The following CHD2 variants were observed in gnomAD, a reference collection of about 807,000 sequenced individuals.
The protein encoded by CHD2 is ATP-dependent chromatin remodeler CHD2.
Under a neutral mutation model 243.9 loss-of-function variants are expected in CHD2, and 28 were observed. The ratio of observed to expected loss-of-function variants is 0.11; its 90% CI spans 0.09 to 0.16. The LOEUF (loss-of-function observed/expected upper bound fraction) is 0.16, where lower values mean the gene tolerates loss of function less well. CHD2 is among the 10% of genes least tolerant of loss of function. The pLI is 1.00. For missense variants in CHD2, 1,386 were observed against 2,209.8 expected (o/e 0.63, Z 7.47); for synonymous variants, 775 against 779.0 (o/e 0.99, Z 0.09).
intron 16 of CHD2, among the ~76,000 whole-genome samples, chr15:92,964,895 T>A (rs2141827056): frequency 6.6e-6 from 1 of 152,366 alleles, no homozygotes; most frequent in Non-Finnish European, 1.5e-5. Context: ...GATGATTTTT[T>A]AAATTTTTAC....
intron 2 of CHD2, chr15:92,904,435 C>G (rs1042993408): frequency 5.1e-6 from 5 of 987,694 alleles, no homozygotes; most frequent in Admixed American, 1.2e-4. Flanking sequence ...GACGTCTGGC[C>G]GCGTGCGCAT....
intron 2 of CHD2, chr15:92,904,573 G>C (rs929874678): frequency 9.8e-7 from 1 of 1,023,632 alleles, no homozygotes; most frequent in Non-Finnish European, 1.2e-6. Context: ...AGTCTTGTCC[G>C]CCCTTGCCTG....
intron 2 of CHD2, chr15:92,902,070 G>C (rs2052536397): frequency 2.5e-6 from 1 of 395,946 alleles, no homozygotes; most frequent in East Asian, 3.6e-5. Context: ...ATTATTTTAA[G>C]GTTTGCATTT....
At chr15:92,985,111 A>C (rs1441768406) in intron 25 of CHD2, among the ~76,000 whole-genome samples, 5 of 152,204 alleles carry the variant, frequency 3.3e-5, no homozygotes. Flanking sequence ...TGCTAGGCAT[A>C]CTTCTAAGTG....
intron 13 of CHD2, among the ~76,000 whole-genome samples, chr15:92,952,977 G>T (rs1251480140): frequency 6.6e-6 from 1 of 152,238 alleles, no homozygotes; most frequent in Non-Finnish European, 1.5e-5. Flanking sequence ...GGATTCACCA[G>T]CGGTGCTGAT....
At chr15:92,910,629 C>T (rs1003702764) in intron 2 of CHD2, among the ~76,000 whole-genome samples, 2 of 152,166 alleles carry the variant, frequency 1.3e-5, no homozygotes, top group Non-Finnish European at 2.9e-5. Flanking sequence ...CTCCTGACCT[C>T]AAATGATCTT....
At chr15:92,982,098 A>G (rs955202336) in intron 24 of CHD2, among the ~76,000 whole-genome samples, 14 of 152,356 alleles carry the variant, frequency 9.2e-5, no homozygotes, top group Non-Finnish European at 1.9e-4. Context: ...GTTTGAGGAA[A>G]GAACTTGAGT....
At chr15:92,976,382 AAAC>A (rs1291905565) in intron 20 of CHD2, among the ~76,000 whole-genome samples, 14 of 152,182 alleles carry the variant, frequency 9.2e-5, no homozygotes, top group Non-Finnish European at 1.9e-4. Context: ...ACAAAGAAAA[AAAC>A]AATTGTACCC....
At chr15:92,992,186 T>C (rs1409878589) in intron 27 of CHD2, among the ~76,000 whole-genome samples, 1 of 152,188 alleles carries the variant, frequency 6.6e-6, no homozygotes, top group Non-Finnish European at 1.5e-5. Flanking sequence ...AGCCTGTTTT[T>C]GTTTGGTCCT....
intron 4 of CHD2, among the ~76,000 whole-genome samples, chr15:92,928,256 G>A (rs1271387632): frequency 6.6e-6 from 1 of 152,166 alleles, no homozygotes; most frequent in Non-Finnish European, 1.5e-5. Flanking sequence ...TTTCCATAGT[G>A]TCTCGCACTA....
chr15:92,925,332 T>C (rs1277780764), intron 3 of CHD2, among the ~76,000 whole-genome samples: 2 of 152,178 alleles, frequency 1.3e-5, no homozygotes, highest in African/African-American at 4.8e-5. Context: ...GAGTACTCAG[T>C]AGTGAGTAAC....
rs182764837 is a variant in CHD2, at chr15:93,026,252, A to T, written c.*1547A>T. The T allele has an allele frequency of 6.5e-6, 1 of 152,744 alleles. No homozygotes were observed. Among genetic ancestry groups the T allele is most frequent in the Non-Finnish European group, 1.5e-5 (1 of 68,038 alleles). The allele number at this position is 152,744 out of a possible 1,614,324, so 9.5% of individuals were successfully genotyped here. A position where few individuals can be genotyped will look rare whatever the true frequency, so the allele number is the denominator to read the frequency against. ...AGTGTCCAGGCTCAGAGCTGGTGAAAACCCTTCTGTTGGGCGTGTGCAGGG... is the reference window on the plus strand; with the variant it reads ...AGTGTCCAGGCTCAGAGCTGGTGAATACCCTTCTGTTGGGCGTGTGCAGGG... On this transcript the variant is annotated 3_prime_UTR_variant, in exon 39 of 39. Transcript: ENST00000394196.
At chr15:92,996,369 C>T (rs2054188240) in intron 28 of CHD2, among the ~76,000 whole-genome samples, 1 of 151,862 alleles carries the variant, frequency 6.6e-6, no homozygotes, top group African/African-American at 2.4e-5. Flanking sequence ...ACTGTGTTAG[C>T]CAGTATGGTC....
chr15:92,921,904 C>T (rs901875464), intron 2 of CHD2, among the ~76,000 whole-genome samples: 1 of 152,212 alleles, frequency 6.6e-6, no homozygotes, highest in African/African-American at 2.4e-5. Flanking sequence ...CTATCCAGCT[C>T]TCCTCTTCCT....
chr15:92,924,483 C>T lies in CHD2; in HGVS notation c.225C>T (p.Ser75=), dbSNP rs144667627. The T allele has an allele frequency of 6.2e-7, 1 of 1,614,066 alleles. No individual in the cohort carries two copies. Among genetic ancestry groups the T allele is most frequent in the African/African-American group, 1.3e-5 (1 of 75,004 alleles). The change falls in exon 3 of 39, where the codon TCC becomes TCT. Residue 75 remains serine (S), a synonymous_variant. Coordinates refer to ENST00000394196, the MANE Select transcript of CHD2 (RefSeq NM_001271.4). ...ESESESAGSK[S]QPVLPEAKEK... is the part of the protein sequence containing the mutation. ...AGAGCGAATCAGCAGGTTCCAAATC[C>T]CAGCCAGTCCTCCCAGAAGCCAAAG...
chr15:93,002,113 C>T (rs2054264385), intron 32 of CHD2, 64 bp from the exon 33 acceptor site: 1 of 1,531,040 alleles, frequency 6.5e-7, no homozygotes, highest in Non-Finnish European at 8.7e-7. Flanking sequence ...CTTCTTTTTC[C>T]AGAAAGTACA....
intron 37 of CHD2, among the ~76,000 whole-genome samples, chr15:93,015,913 A>C (rs1272750515): frequency 3.9e-5 from 6 of 152,254 alleles, no homozygotes; most frequent in Non-Finnish European, 8.8e-5. Flanking sequence ...CTGGGAATGT[A>C]AGTTAGTGCA....
intron 16 of CHD2, among the ~76,000 whole-genome samples, chr15:92,958,483 A>G (rs1032908752): frequency 2.0e-5 from 3 of 152,144 alleles, no homozygotes; most frequent in Admixed American, 1.3e-4. Context: ...GGAATTATTT[A>G]TATCCTACTG....
In CHD2 at chr15:92,928,936, T is replaced by C. The variant is rs1025188101; in HGVS notation, c.382-94T>C. 3.5e-6 allele frequency: 4 copies of C among 1,141,110 alleles called. No individual in the cohort carries two copies. The African/African-American group carries it at 6.2e-5, about 18-fold the overall frequency. 70.7% of individuals were successfully genotyped at this position (1,141,110 alleles called of 1,614,324 possible). A position where few individuals can be genotyped will look rare whatever the true frequency, so the allele number is the denominator to read the frequency against. On this transcript the variant is annotated intron_variant, in intron 4 of 38. Coordinates refer to ENST00000394196, the MANE Select transcript of CHD2 (RefSeq NM_001271.4). ...TCTAAAAGCTCATATTGAATAATGG[T>C]ATATTGAGTAGACTGTTGATCCAGG...
Sources: allele counts gnomAD v4.1 joint callset (sites outside exome capture counted in the v4.1 genomes callset), GRCh38; gene constraint gnomAD v4.1.1; transcripts MANE v1.5; gene names NCBI Gene and HGNC (gene_info 2026-07-23, HGNC 2026-07-21).